UTS2: variants seen among roughly 807,000 people sequenced by gnomAD.
The protein encoded by UTS2 is urotensin 2.
UTS2 carries 10 observed loss-of-function variants against 12.6 expected under a neutral mutation model. That is an observed-to-expected ratio of 0.80 (90% CI 0.49 to 1.35). The LOEUF is 1.35. Ranked by LOEUF, UTS2 falls within the 40% of genes most tolerant of loss-of-function variation. UTS2 has a pLI of 0.00. For synonymous variants in UTS2, 52 were observed against 50.0 expected, an observed-to-expected ratio of 1.04 and a Z score of -0.17; for missense variants, 142 against 143.2, an observed-to-expected ratio of 0.99 and a Z score of 0.04.
At position 7,852,947 on chromosome 1, in the gene UTS2, T is replaced by G; in HGVS notation, c.57A>C (p.Leu19Phe). 2 of 1,613,194 alleles carry G rather than the reference T, an allele frequency of 1.2e-6. No homozygotes were observed. The highest frequency in any genetic ancestry group is 1.7e-6 in the Non-Finnish European group (2 of 1,179,668). Residue 19 changes from leucine to phenylalanine, a missense_variant, in exon 1 of 4, where the codon TTA becomes TTC. Transcript: ENST00000361696. ...CCCTGGAGTCAAGGAGAGGAAGAGA[T>G]AAGAGAGGATTTAAGAATCCTATGA... ...LLFIGFLNPLLSLPLLDSREI... is the reference protein window; with the variant it reads ...LLFIGFLNPLFSLPLLDSREI...
upstream of UTS2, chr1:7,853,534 T>A (rs1638220714): frequency 1.3e-6 from 2 of 1,481,646 alleles, no homozygotes; most frequent in Non-Finnish European, 1.8e-6. Flanking sequence ...AACCAGCTAT[T>A]TCCTTTAAAA....
the UTS2 span, among the ~76,000 whole-genome samples, chr1:7,872,834 C>T: frequency 6.6e-6 from 1 of 152,154 alleles, no homozygotes; most frequent in Non-Finnish European, 1.5e-5. Context: ...GTAGATAAAC[C>T]AGCCTTCTGC....
At chr1:7,850,656 T>C (rs147897848) in intron 2 of UTS2, among the ~76,000 whole-genome samples, 156 bp downstream of exon 2, 1 of 152,282 alleles carries the variant, frequency 6.6e-6, no homozygotes, top group African/African-American at 2.4e-5. Context: ...GAAAAGAAGG[T>C]TGCACAGGCC....
At chr1:7,906,455 GAAAGAA>G in the UTS2 span, among the ~76,000 whole-genome samples, 2 of 94,508 alleles carry the variant, frequency 2.1e-5, no homozygotes, top group Non-Finnish European at 4.1e-5. Context: ...AAAAGAGAAA[GAAAGAA>G]AGAAAGAAAG....
chr1:7,887,071 G>T, the UTS2 span, among the ~76,000 whole-genome samples: 12 of 97,884 alleles, frequency 1.2e-4, no homozygotes, highest in South Asian at 3.3e-4. Flanking sequence ...AAAAAAAAAA[G>T]GCTCAATCTG....
the UTS2 span, among the ~76,000 whole-genome samples, chr1:7,858,902 G>A: frequency 6.6e-6 from 1 of 152,152 alleles, no homozygotes; most frequent in Non-Finnish European, 1.5e-5. Flanking sequence ...TTCTGAATAT[G>A]AGGTTACATT....
the UTS2 span, among the ~76,000 whole-genome samples, chr1:7,862,978 T>TATTG: frequency 1.9e-5 from 1 of 52,116 alleles, no homozygotes; most frequent in African/African-American, 9.3e-5. Context: ...CGGCCGTTAT[T>TATTG]TATTGTGTTG....
At chr1:7,907,989 A>C in the UTS2 span, among the ~76,000 whole-genome samples, 2 of 150,382 alleles carry the variant, frequency 1.3e-5, no homozygotes, top group East Asian at 4.0e-4. Context: ...AACATGGTGA[A>C]ACTCTGTCTC....
At chr1:7,861,041 C>CAA in the UTS2 span, among the ~76,000 whole-genome samples, 14,774 of 74,484 alleles carry the variant, frequency 0.2, 1,276 homozygotes, top group South Asian at 0.27. Context: ...GGCCTTATCT[C>CAA]AAAAAAAAAA....
the UTS2 span, among the ~76,000 whole-genome samples, chr1:7,868,464 A>G: frequency 6.6e-6 from 1 of 152,194 alleles, no homozygotes; most frequent in Non-Finnish European, 1.5e-5. Flanking sequence ...CCTGTGGGGT[A>G]GCAGGGAGTG....
At chr1:7,866,142 C>A in the UTS2 span, among the ~76,000 whole-genome samples, 1 of 152,274 alleles carries the variant, frequency 6.6e-6, no homozygotes, top group East Asian at 1.9e-4. The surrounding 1 kb of genome is among the most constrained non-coding windows in gnomAD (Gnocchi z 4.5). Flanking sequence ...ACGCTCTGGG[C>A]CCCTTGCCTG....
At chr1:7,857,879 A>G (rs1027288173), upstream of UTS2, among the ~76,000 whole-genome samples, 1 of 150,234 alleles carries the variant, frequency 6.7e-6, no homozygotes, top group African/African-American at 2.5e-5. Flanking sequence ...AAGCTGTTTT[A>G]CATTGTCTGT....
chr1:7,895,264 G>A, the UTS2 span, among the ~76,000 whole-genome samples: 1 of 152,062 alleles, frequency 6.6e-6, no homozygotes, highest in Non-Finnish European at 1.5e-5. Flanking sequence ...AGCTACTCAG[G>A]AGGCTGAGGC....
At chr1:7,862,319 C>A in the UTS2 span, among the ~76,000 whole-genome samples, 17 of 152,188 alleles carry the variant, frequency 1.1e-4, no homozygotes, top group Admixed American at 9.8e-4. Flanking sequence ...ATGTCCCCTG[C>A]ATGCTCCTAC....
the UTS2 span, among the ~76,000 whole-genome samples, chr1:7,897,127 T>C: frequency 6.6e-6 from 1 of 152,262 alleles, no homozygotes; most frequent in Non-Finnish European, 1.5e-5. Context: ...TGAGTCATTA[T>C]ATAGCTTCTA....
At chr1:7,870,608 TG>T in the UTS2 span, among the ~76,000 whole-genome samples, 1 of 152,332 alleles carries the variant, frequency 6.6e-6, no homozygotes, top group East Asian at 1.9e-4. Flanking sequence ...AAAACTTTCT[TG>T]TCCACTGAAA....
chr1:7,860,244 T>C, the UTS2 span, among the ~76,000 whole-genome samples: 666 of 152,260 alleles, frequency 4.4e-3, 8 homozygotes, highest in African/African-American at 0.015. Flanking sequence ...ATGGACGGGC[T>C]CTTTTCCTGG....
the UTS2 span, among the ~76,000 whole-genome samples, chr1:7,906,506 A>AGAAAGAAAGAAAGAAG: frequency 7.0e-6 from 1 of 143,618 alleles, no homozygotes. Context: ...AAAGAAAGAA[A>AGAAAGAAAGAAAGAAG]GAAAAGAGGG....
chr1:7,855,445 G>A (rs1031608407), upstream of UTS2, among the ~76,000 whole-genome samples: 20 of 152,038 alleles, frequency 1.3e-4, no homozygotes, highest in African/African-American at 3.9e-4. Flanking sequence ...TTAGCCAGGC[G>A]TGGTGGCGGG....
Sources: gnomAD v4.1 joint callset for allele counts (sites outside exome capture counted in the v4.1 genomes callset) on GRCh38, gnomAD v4.1.1 for gene constraint, Gnocchi (gnomAD v3.1) non-coding constraint, MANE v1.5 for transcripts, NCBI Gene and HGNC (gene_info 2026-07-23, HGNC 2026-07-21) for gene names.